Variants in MAF observed in about 807,000 individuals in gnomAD.
MAF encodes transcription factor Maf.
In MAF, 10 loss-of-function variants were observed where a neutral mutation model predicts 22.0. The ratio of observed to expected loss-of-function variants is 0.45; its 90% CI spans 0.28 to 0.77. MAF has a LOEUF of 0.77. Among genes scored for constraint, MAF ranks in the 30% least tolerant of loss-of-function variants. The pLI is 0.12. For synonymous variants in MAF, 337 were observed against 255.8 expected (o/e 1.32, Z -3.03); for missense variants, 544 against 548.4 (o/e 0.99, Z 0.08).
chr16:79,272,769 C>T, the MAF span, among the ~76,000 whole-genome samples: 3 of 152,126 alleles, frequency 2.0e-5, no homozygotes, highest in African/African-American at 7.2e-5. Context: ...TCCTCACCAC[C>T]CACAATTCGG....
At chr16:79,468,463 G>A in the MAF span, among the ~76,000 whole-genome samples, 3 of 152,214 alleles carry the variant, frequency 2.0e-5, no homozygotes, top group Non-Finnish European at 4.4e-5. Flanking sequence ...GAGGGTGGGA[G>A]ACCTGCTCTT....
the MAF span, among the ~76,000 whole-genome samples, chr16:79,409,108 T>A: frequency 4.6e-5 from 7 of 152,012 alleles, no homozygotes. Context: ...GGAAGGATGA[T>A]CAAACAAAAG....
At chr16:79,582,945 G>C (rs908115037), downstream of MAF, among the ~76,000 whole-genome samples, 3 of 152,194 alleles carry the variant, frequency 2.0e-5, no homozygotes, top group Admixed American at 2.0e-4. Context: ...GAGGCACCAA[G>C]AAATCAGAAC....
chr16:79,374,913 C>T, the MAF span, among the ~76,000 whole-genome samples: 11 of 152,266 alleles, frequency 7.2e-5, no homozygotes, highest in South Asian at 4.2e-4. Context: ...TATAGGATCA[C>T]GCTCTAAAGG....
At chr16:79,530,226 A>G in the MAF span, among the ~76,000 whole-genome samples, 3 of 152,186 alleles carry the variant, frequency 2.0e-5, no homozygotes, top group Non-Finnish European at 2.9e-5. Flanking sequence ...ACACCTGAAG[A>G]TTCCCATTTC....
At chr16:79,580,650 C>A in the MAF span, among the ~76,000 whole-genome samples, 1 of 152,078 alleles carries the variant, frequency 6.6e-6, no homozygotes, top group Admixed American at 6.5e-5. Context: ...CCCAGCTCCA[C>A]GGCTTAGAGA....
the MAF span, among the ~76,000 whole-genome samples, chr16:79,326,450 C>T: frequency 1.3e-5 from 2 of 152,172 alleles, no homozygotes; most frequent in Non-Finnish European, 1.5e-5. Flanking sequence ...TCTAATTTAG[C>T]ACAACACCTA....
chr16:79,247,030 C>A, the MAF span, among the ~76,000 whole-genome samples: 8 of 152,158 alleles, frequency 5.3e-5, no homozygotes, highest in Admixed American at 3.3e-4. Flanking sequence ...GTGGTAAGTG[C>A]TATGAGGAAA....
chr16:79,588,740 G>C (rs1056560539), intron 1 of MAF, among the ~76,000 whole-genome samples: 1 of 152,056 alleles, frequency 6.6e-6, no homozygotes, highest in Admixed American at 6.6e-5. Flanking sequence ...GGGATTACAA[G>C]CATGAGCCAC....
At chr16:79,268,216 CT>C in the MAF span, among the ~76,000 whole-genome samples, 3 of 152,102 alleles carry the variant, frequency 2.0e-5, no homozygotes, top group African/African-American at 4.8e-5. Flanking sequence ...CAGCTACCCC[CT>C]CTCCCCCACA....
At chr16:79,226,670 A>T in the MAF span, among the ~76,000 whole-genome samples, 1 of 151,990 alleles carries the variant, frequency 6.6e-6, no homozygotes, top group African/African-American at 2.4e-5. Context: ...AAATGAATGA[A>T]AAAGTGCTAA....
At chr16:79,298,924 C>T in the MAF span, among the ~76,000 whole-genome samples, 1 of 152,240 alleles carries the variant, frequency 6.6e-6, no homozygotes, top group Admixed American at 6.5e-5. Context: ...GGTTGGGAAG[C>T]ATTGTGTGGT....
chr16:79,393,893 G>A, the MAF span, among the ~76,000 whole-genome samples: 1 of 152,162 alleles, frequency 6.6e-6, no homozygotes, highest in South Asian at 2.1e-4. Flanking sequence ...TGATAATGAA[G>A]TTAACAATAG....
At chr16:79,402,679 C>T in the MAF span, among the ~76,000 whole-genome samples, 1 of 152,222 alleles carries the variant, frequency 6.6e-6, no homozygotes, top group Non-Finnish European at 1.5e-5. Flanking sequence ...GGCCAAAGGG[C>T]CCAACTGCTT....
At chr16:79,424,003 G>A in the MAF span, among the ~76,000 whole-genome samples, 4 of 152,092 alleles carry the variant, frequency 2.6e-5, no homozygotes, top group Admixed American at 1.3e-4. Context: ...AATAATAAAT[G>A]AAAACAGTTC....
At chr16:79,374,993 G>A in the MAF span, among the ~76,000 whole-genome samples, 1 of 152,304 alleles carries the variant, frequency 6.6e-6, no homozygotes, top group South Asian at 2.1e-4. Flanking sequence ...CTTGTGAATA[G>A]AGTGTTAGTT....
the MAF span, among the ~76,000 whole-genome samples, chr16:79,210,266 C>G: frequency 6.6e-6 from 1 of 152,220 alleles, no homozygotes. Context: ...AAACCCAAGT[C>G]TGCCTTATGG....
the MAF span, among the ~76,000 whole-genome samples, chr16:79,442,378 T>TA: frequency 5.9e-5 from 9 of 152,050 alleles, no homozygotes; most frequent in African/African-American, 1.9e-4. Flanking sequence ...TTTATTTATT[T>TA]ATTTTATTTT....
chr16:79,485,965 G>A, the MAF span, among the ~76,000 whole-genome samples: 3 of 152,228 alleles, frequency 2.0e-5, no homozygotes, highest in Non-Finnish European at 4.4e-5. Flanking sequence ...TAAGGATCTT[G>A]CAGACAAAAA....
Sources: allele counts gnomAD v4.1 joint callset (sites outside exome capture counted in the v4.1 genomes callset), GRCh38; gene constraint gnomAD v4.1.1; transcripts MANE v1.5; gene names NCBI Gene and HGNC (gene_info 2026-07-23, HGNC 2026-07-21).